The following GPR176 variants were observed in gnomAD, a reference collection of about 807,000 sequenced individuals.
The protein encoded by GPR176 is G-protein coupled receptor 176.
In GPR176, 26 loss-of-function variants were observed where a neutral mutation model predicts 35.4. The observed-to-expected ratio is 0.74, with a 90% CI of 0.54 to 1.02. The LOEUF (loss-of-function observed/expected upper bound fraction) is 1.02. Among genes scored for constraint, GPR176 ranks in the 50% least tolerant of loss-of-function variants. The pLI is 0.00. For missense variants in GPR176, 597 were observed against 665.3 expected, an observed-to-expected ratio of 0.90 and a Z score of 1.13; for synonymous variants, 278 against 271.3, an observed-to-expected ratio of 1.02 and a Z score of -0.24.
intron 1 of GPR176, among the ~76,000 whole-genome samples, chr15:39,897,500 C>A (rs2033147860): frequency 6.6e-6 from 1 of 152,096 alleles, no homozygotes; most frequent in Non-Finnish European, 1.5e-5. Context: ...CACCCTCCAC[C>A]TTTCACCATC....
chr15:39,856,018 G>C (rs1269064284), intron 1 of GPR176, among the ~76,000 whole-genome samples: 1 of 152,116 alleles, frequency 6.6e-6, no homozygotes, highest in Non-Finnish European at 1.5e-5. Flanking sequence ...TATATCACTT[G>C]ACCAATATCA....
intron 1 of GPR176, among the ~76,000 whole-genome samples, chr15:39,845,568 T>C (rs911887370): frequency 2.0e-5 from 3 of 151,872 alleles, no homozygotes; most frequent in Admixed American, 1.3e-4. Context: ...ACGCTTGATT[T>C]AATTTAGTCT....
At chr15:39,888,066 G>A (rs910419160) in intron 1 of GPR176, among the ~76,000 whole-genome samples, 3 of 152,106 alleles carry the variant, frequency 2.0e-5, no homozygotes, top group Admixed American at 6.5e-5. Context: ...AGTTTGCCAC[G>A]CCTAGAGACT....
intron 1 of GPR176, among the ~76,000 whole-genome samples, chr15:39,908,885 A>T (rs1216158476): frequency 6.6e-6 from 1 of 152,188 alleles, no homozygotes; most frequent in Non-Finnish European, 1.5e-5. Context: ...AAGAAATAGG[A>T]TACTGGGATC....
chr15:39,908,468 C>G (rs1021050626), intron 1 of GPR176, among the ~76,000 whole-genome samples: 3 of 151,654 alleles, frequency 2.0e-5, no homozygotes, highest in Non-Finnish European at 4.4e-5. Context: ...GCCAACAGTA[C>G]AAAAATACTA....
At chr15:39,846,607 C>T (rs1004860576) in intron 1 of GPR176, among the ~76,000 whole-genome samples, 7 of 151,938 alleles carry the variant, frequency 4.6e-5, no homozygotes, top group African/African-American at 1.7e-4. Context: ...GACATCTTAC[C>T]AATTAGGGAT....
At chr15:39,906,717 A>T (rs1215904764) in intron 1 of GPR176, among the ~76,000 whole-genome samples, 1 of 152,214 alleles carries the variant, frequency 6.6e-6, no homozygotes, top group Admixed American at 6.5e-5. Context: ...TTCACTGGGC[A>T]TGGCCATGTG....
intron 1 of GPR176, among the ~76,000 whole-genome samples, chr15:39,913,655 A>G (rs1253696082): frequency 1.3e-5 from 2 of 152,284 alleles, no homozygotes; most frequent in East Asian, 3.9e-4. Context: ...CGAAGGATAC[A>G]TGGTTTCTTT....
chr15:39,801,369 T>C lies in GPR176; in HGVS notation c.1311A>G (p.Ala437=). The C allele has an allele frequency of 6.2e-7, 1 of 1,614,204 alleles. No individual in the cohort carries two copies. Among genetic ancestry groups the C allele is most frequent in the Non-Finnish European group, 8.5e-7 (1 of 1,180,016 alleles). ...TVDSVSQVAP[A]APVEPETFPD... is the part of the protein sequence containing the mutation. ...GGAATGTTTCAGGTTCCACAGGGGCTGCCGGTGCCACCTGGGATACAGAGT... is the reference window on the plus strand; with the variant it reads ...GGAATGTTTCAGGTTCCACAGGGGCCGCCGGTGCCACCTGGGATACAGAGT... Residue 437 remains alanine, a synonymous_variant, in exon 3 of 3, where the codon GCA becomes GCG. Transcript: ENST00000561100.
intron 1 of GPR176, among the ~76,000 whole-genome samples, chr15:39,860,244 A>G (rs988702910): frequency 6.6e-6 from 1 of 152,232 alleles, no homozygotes; most frequent in Non-Finnish European, 1.5e-5. Flanking sequence ...TAAATGTTTC[A>G]AGTCCTGGTA....
chr15:39,900,717 G>T (rs275728), intron 1 of GPR176, among the ~76,000 whole-genome samples: 16,744 of 152,152 alleles, frequency 0.11, 1,358 homozygotes, highest in Admixed American at 0.23. Context: ...GCAGAACACA[G>T]CATGACTGAA....
chr15:39,833,089 G>A (rs960866575), intron 1 of GPR176, among the ~76,000 whole-genome samples: 3 of 152,144 alleles, frequency 2.0e-5, no homozygotes, highest in African/African-American at 7.2e-5. Flanking sequence ...ATCTTTGGGA[G>A]AGAGTGGGGT....
chr15:39,853,885 A>G (rs1037904269), intron 1 of GPR176, among the ~76,000 whole-genome samples: 3 of 152,170 alleles, frequency 2.0e-5, no homozygotes, highest in African/African-American at 7.2e-5. Context: ...TATAAAATGC[A>G]TAGCTCAGAG....
At chr15:39,816,388 T>C (rs573623824) in intron 1 of GPR176, among the ~76,000 whole-genome samples, 1 of 152,070 alleles carries the variant, frequency 6.6e-6, no homozygotes, top group East Asian at 1.9e-4. Flanking sequence ...AACACAGATA[T>C]ATACCATTTT....
At chr15:39,905,852 T>G (rs756025873) in intron 1 of GPR176, among the ~76,000 whole-genome samples, 4 of 152,094 alleles carry the variant, frequency 2.6e-5, no homozygotes, top group Non-Finnish European at 5.9e-5. Context: ...AATGCAACAG[T>G]TGGAATCCTT....
intron 1 of GPR176, among the ~76,000 whole-genome samples, chr15:39,833,719 G>C (rs1901233846): frequency 6.6e-6 from 1 of 152,134 alleles, no homozygotes. Flanking sequence ...CTGAAGATAT[G>C]AGCACAAAAC....
chr15:39,894,525 T>C (rs557132645), intron 1 of GPR176: 2 of 176,780 alleles, frequency 1.1e-5, no homozygotes, highest in South Asian at 1.1e-4. Context: ...GCAGAGATGC[T>C]CCTCACCTCC....
chr15:39,905,940 G>A (rs765059329), intron 1 of GPR176, among the ~76,000 whole-genome samples: 27 of 152,244 alleles, frequency 1.8e-4, no homozygotes, highest in Middle Eastern at 3.4e-3. Context: ...ACACACACAA[G>A]CACTGTTTGT....
intron 1 of GPR176, among the ~76,000 whole-genome samples, chr15:39,906,026 T>C (rs2033412751): frequency 6.6e-6 from 1 of 152,222 alleles, no homozygotes; most frequent in Non-Finnish European, 1.5e-5. Flanking sequence ...CTTATAACTG[T>C]ATGTGAATCT....
Sources: allele counts gnomAD v4.1 joint callset (sites outside exome capture counted in the v4.1 genomes callset), GRCh38; gene constraint gnomAD v4.1.1; transcripts MANE v1.5; gene names NCBI Gene and HGNC (gene_info 2026-07-23, HGNC 2026-07-21).